ZER1: variants seen among roughly 807,000 people sequenced by gnomAD.
ZER1 encodes the protein zyg-11 related cell cycle regulator, also known as protein zer-1 homolog.
ZER1 carries 11 observed loss-of-function variants against 78.8 expected under a neutral mutation model. The observed-to-expected ratio is 0.14, with a 90% CI of 0.09 to 0.23. The LOEUF (loss-of-function observed/expected upper bound fraction) is 0.23, where lower values mean the gene tolerates loss of function less well. ZER1 is among the 10% of genes least tolerant of loss of function. ZER1 has a pLI of 1.00. For synonymous variants in ZER1, 400 were observed against 407.0 expected, an observed-to-expected ratio of 0.98 and a Z score of 0.21; for missense variants, 588 against 996.9, an observed-to-expected ratio of 0.59 and a Z score of 5.52.
rs1564404829 is a variant in ZER1 at position 128,754,634 on chromosome 9, C to CA, written c.159-676dup. Among the ~76,000 whole-genome samples the CA allele has an allele frequency of 1.3e-5, 2 of 152,150 alleles. No homozygotes were observed. The highest frequency in any genetic ancestry group is 4.8e-5 in the African/African-American group (2 of 41,438). On this transcript the variant is annotated intron_variant, in intron 2 of 15. Transcript: ENST00000291900. This position sits in a 1 kb window ranked among gnomAD's most constrained non-coding sequence, Gnocchi z 4.3. ...GTCCACCTCTGTCCTCAGGCCCACA[C>CA]AGGCTTCTAGTTTCCTATGCAGCTG...
rs1482358442 is a variant in ZER1 at position 128,759,639 on chromosome 9, G to T, written c.-94-3980C>A. On this transcript the variant is annotated intron_variant, in intron 1 of 15. Coordinates refer to ENST00000291900, the MANE Select transcript of ZER1 (RefSeq NM_006336.4). ...TAAAACCTTGTCTCTACTAAAAATA[G>T]AAAAAATTAGCCGGGCGTGGTGGCA... Among the ~76,000 whole-genome samples, 4 of 151,612 alleles carry T rather than the reference G, an allele frequency of 2.6e-5. No individual in the cohort carries two copies. The South Asian group carries it at 6.3e-4, about 24-fold the overall frequency.
Position 128,750,616 on chromosome 9 carries a change from C to T in ZER1, c.1359G>A (p.Thr453=), listed in dbSNP as rs926109996. Residue 453 remains threonine, a splice_region_variant and synonymous_variant, in exon 8 of 16, where the codon ACG becomes ACA. Coordinates refer to ENST00000291900, the MANE Select transcript of ZER1 (RefSeq NM_006336.4). ...LNGMESYQEV[T]VQRNCCLTLC... ...GGGGCCGTGGCGGGTGGGGGCTCAC[C>T]GTCACCTCCTGGTAGGATTCCATGC... 6.2e-7 allele frequency: 1 copy of T among 1,612,780 alleles called. No individual in the cohort carries two copies. The highest frequency in any genetic ancestry group is 8.5e-7 in the Non-Finnish European group (1 of 1,178,926).
At chr9:128,744,499 A>T (rs1478503396) in intron 8 of ZER1, among the ~76,000 whole-genome samples, 43 of 109,790 alleles carry the variant, frequency 3.9e-4, no homozygotes, top group African/African-American at 1.4e-3. Flanking sequence ...TTTTTTTTGG[A>T]TGGAGTTTCA....
chr9:128,758,973 CATG>C (rs1863952263), intron 1 of ZER1, among the ~76,000 whole-genome samples: 1 of 151,556 alleles, frequency 6.6e-6, no homozygotes, highest in Non-Finnish European at 1.5e-5. Flanking sequence ...ACCTGTGTAT[CATG>C]ATGTGTGTAC....
intron 1 of ZER1, among the ~76,000 whole-genome samples, chr9:128,766,462 C>T (rs921965719): frequency 2.2e-4 from 33 of 152,146 alleles, no homozygotes; most frequent in African/African-American, 7.0e-4. Context: ...GAAAAGGCAG[C>T]TGGAAGGAAG....
Position 128,752,800 on chromosome 9 carries a change from G to C in ZER1, c.796C>G (p.Leu266Val), listed in dbSNP as rs775860905. The change falls in exon 5 of 16, where the codon CTG (leucine) becomes GTG (valine). Residue 266 changes from leucine (L) to valine (V), a missense_variant. Transcript: ENST00000291900. ...AAGAGGCTCAGCACCTCCCGAGTCAGCTTGAACTTGTAGTAGCTGGAGAGG... is the reference window on the plus strand; with the variant it reads ...AAGAGGCTCAGCACCTCCCGAGTCACCTTGAACTTGTAGTAGCTGGAGAGG... ...DRLSSYYKFK[L>V]TREVLSLFVQ... 2 of 1,614,180 alleles carry C rather than the reference G, an allele frequency of 1.2e-6. No individual in the cohort carries two copies. The highest frequency in any genetic ancestry group is 1.7e-6 in the Non-Finnish European group (2 of 1,180,020).
At chr9:128,750,380 G>A (rs913424351) in intron 8 of ZER1, among the ~76,000 whole-genome samples, 8 of 152,222 alleles carry the variant, frequency 5.3e-5, no homozygotes, top group Admixed American at 3.9e-4. Flanking sequence ...CACAGGCAGG[G>A]AGAAGGGCAG....
In ZER1 at chr9:128,735,397, C is replaced by T; in HGVS notation, c.2077G>A (p.Gly693Arg). The T allele has an allele frequency of 6.2e-7, 1 of 1,614,040 alleles. No homozygotes were observed. The highest frequency in any genetic ancestry group is 1.1e-5 in the South Asian group (1 of 91,076). ...CAGTGCTGGCTGACAGGAGAGATTC[C>T]CTGGGGAAGGAGGCGGAGAATTGGT... is the stretch of plus-strand genomic sequence containing the variant. ...FEPILRLLPQ[G>R]ISPVSQHWAT... The change falls in exon 14 of 16, where the codon GGA becomes AGA. Residue 693 changes from glycine to arginine, a missense_variant. Gly to Arg is a moderately radical substitution (Grantham distance 125). Transcript: ENST00000291900.
At chr9:128,765,975 C>T (rs182255444) in intron 1 of ZER1, among the ~76,000 whole-genome samples, 2 of 152,304 alleles carry the variant, frequency 1.3e-5, no homozygotes, top group Admixed American at 6.5e-5. Flanking sequence ...AGGCTGCATT[C>T]GGCTAGTAAT....
chr9:128,752,931 T>C, intron 4 of ZER1, 82 bp from the exon 5 acceptor site: 3 of 1,504,582 alleles, frequency 2.0e-6, no homozygotes, highest in Non-Finnish European at 2.7e-6. Context: ...CTTTAGTCTG[T>C]AGCAGGGGAG....
chr9:128,752,667 C>G lies in ZER1; in HGVS notation c.923+6G>C, dbSNP rs753317098. On this transcript the variant is annotated splice_donor_region_variant and intron_variant, in intron 5 of 15. Coordinates refer to ENST00000291900, the MANE Select transcript of ZER1 (RefSeq NM_006336.4). ...CTACCAGTAGCCATGGAGGCTGGGG[C>G]CCCACCTGGTCTGCCCCGCTTCCTC... 8.1e-6 allele frequency: 13 copies of G among 1,607,550 alleles called. No individual in the cohort carries two copies. In the Admixed American group the frequency reaches 1.2e-4, roughly 15 times the overall value.
At chr9:128,757,730 AAG>A (rs1034385411) in intron 1 of ZER1, among the ~76,000 whole-genome samples, 2 of 152,116 alleles carry the variant, frequency 1.3e-5, no homozygotes, top group Non-Finnish European at 2.9e-5. Context: ...GGCATTGGGG[AAG>A]ACGGGGAACA....
intron 15 of ZER1, 47 bp from the exon 16 acceptor site, chr9:128,731,441 G>GGGGGTGGGGGGGGCC: frequency 1.4e-6 from 1 of 704,902 alleles, no homozygotes; most frequent in Non-Finnish European, 2.6e-6. Context: ...CTTGGGTGGG[G>GGGGGTGGGGGGGGCC]GTGAGCCCAG....
At chr9:128,757,204 A>T (rs967588561) in intron 1 of ZER1, among the ~76,000 whole-genome samples, 7 of 146,192 alleles carry the variant, frequency 4.8e-5, no homozygotes, top group Non-Finnish European at 8.8e-5. Context: ...CCTCAAAATT[A>T]AAAACTCTGT....
In ZER1 at chr9:128,762,111, C is replaced by CTT. The variant is rs35347894; in HGVS notation, c.-94-6454_-94-6453dup. 5.7e-3 allele frequency among the ~76,000 whole-genome samples: 820 copies of CTT among 144,556 alleles called. 6 individuals are homozygous for CTT. The highest frequency in any genetic ancestry group is 0.02 in the African/African-American group (784 of 39,586). The allele number at this position is 144,556 out of a possible 152,430, so 94.8% of individuals were successfully genotyped here. A position where few individuals can be genotyped will look rare whatever the true frequency, so the allele number is the denominator to read the frequency against. On this transcript the variant is annotated intron_variant, in intron 1 of 15. Transcript: ENST00000291900. ...CTTAAAACATTATGACATTTATGGA[C>CTT]TTTTTTTTTTTTTTAGCTCATCTGC...
chr9:128,733,213 G>A lies in ZER1; in HGVS notation c.2243+213C>T, dbSNP rs562918218. 4.2e-5 allele frequency: 21 copies of A among 504,998 alleles called. No individual in the cohort carries two copies. In the Admixed American group the frequency reaches 4.7e-4, roughly 11 times the overall value. The allele number at this position is 504,998 out of a possible 1,614,324, so 31.3% of individuals were successfully genotyped here. ...TTACAAACGAGGGCCCTGATGCTCC[G>A]TTCCGAGCTTGGTCATCTAATTTCC... On this transcript the variant is annotated intron_variant, in intron 15 of 15. Coordinates refer to ENST00000291900, the MANE Select transcript of ZER1 (RefSeq NM_006336.4).
In ZER1 at chr9:128,731,346, C is replaced by A; in HGVS notation, c.2292G>T (p.Thr764=). The A allele has an allele frequency of 6.6e-7, 1 of 1,522,998 alleles. No homozygotes were observed. Among genetic ancestry groups the A allele is most frequent in the East Asian group, 2.7e-5 (1 of 36,544 alleles). 94.3% of individuals were successfully genotyped at this position (1,522,998 alleles called of 1,614,324 possible). Residue 764 remains threonine, a synonymous_variant, in exon 16 of 16, where the codon ACG becomes ACT. Transcript: ENST00000291900. The stretch of plus-strand genomic sequence containing the variant: ...ATGGGGACGGAGGCCTCTATCTAGA[C>A]GTGTCCATGTTCTCCTCTTTAAAGT... ...CSNFKEENMD[T]SR is the part of the protein sequence containing the mutation.
In ZER1 at chr9:128,740,987, A is replaced by C. The variant is rs758708011; in HGVS notation, c.1738-100T>G. On this transcript the variant is annotated intron_variant, in intron 11 of 15. Transcript: ENST00000291900. This position sits in a 1 kb window ranked among gnomAD's most constrained non-coding sequence, Gnocchi z 4.4. ...GCTTCATGGGCATCTGGCCATGCCA[A>C]CTAGACAAAGAGGGGGCATATATGC... The C allele has an allele frequency of 1.6e-5, 11 of 703,794 alleles. No individual in the cohort carries two copies. The highest frequency in any genetic ancestry group is 2.4e-5 in the Non-Finnish European group (9 of 379,508). The allele number at this position is 703,794 out of a possible 1,614,324, so 43.6% of individuals were successfully genotyped here.
At position 128,730,947 on chromosome 9, in the gene ZER1, C is replaced by T. The variant is rs1385863120; in HGVS notation, c.*390G>A. ...CTCCTCTCATGAAAGGAAGCCAGGC[C>T]GGGATCTGAGTTTCCTGGACAAGGA... On this transcript the variant is annotated 3_prime_UTR_variant, in exon 16 of 16. Transcript: ENST00000291900. The T allele has an allele frequency of 6.5e-6, 1 of 152,704 alleles. No homozygotes were observed. The highest frequency in any genetic ancestry group is 1.5e-5 in the Non-Finnish European group (1 of 68,222). The allele number at this position is 152,704 out of a possible 1,614,324, so 9.5% of individuals were successfully genotyped here.
Sources: allele counts gnomAD v4.1 joint callset (sites outside exome capture counted in the v4.1 genomes callset), GRCh38; gene constraint gnomAD v4.1.1; non-coding constraint Gnocchi (gnomAD v3.1); transcripts MANE v1.5; gene names NCBI Gene and HGNC (gene_info 2026-07-23, HGNC 2026-07-21).